The following MED12L variants were observed in gnomAD, a reference collection of about 807,000 sequenced individuals.
The protein encoded by MED12L is mediator complex subunit 12L, also known as mediator of RNA polymerase II transcription subunit 12-like protein.
Under a neutral mutation model 281.3 loss-of-function variants are expected in MED12L, and 60 were observed. The ratio of observed to expected loss-of-function variants is 0.21; its 90% confidence interval spans 0.17 to 0.26. The LOEUF (loss-of-function observed/expected upper bound fraction) is 0.26, where lower values mean the gene tolerates loss of function less well. MED12L is among the 10% of genes least tolerant of loss of function. The probability of loss-of-function intolerance (pLI) is 1.00; values close to 1 mark genes in which losing one functional copy is unlikely to be tolerated. For missense variants in MED12L, 2,146 were observed against 2,680.9 expected (o/e 0.80, Z 4.41); for synonymous variants, 974 against 987.2 (o/e 0.99, Z 0.25).
chr3:151,215,988 C>G (rs1295359908), intron 16 of MED12L, among the ~76,000 whole-genome samples: 1 of 152,188 alleles, frequency 6.6e-6, no homozygotes, highest in East Asian at 1.9e-4. Context: ...TTAGCTGTCA[C>G]TTTCCTTAGG....
At chr3:151,175,214 A>G (rs985314204) in intron 11 of MED12L, among the ~76,000 whole-genome samples, 16 of 152,162 alleles carry the variant, frequency 1.1e-4, no homozygotes, top group Non-Finnish European at 2.2e-4. Flanking sequence ...CTTGCAACCT[A>G]TATGACTTGC....
intron 16 of MED12L, among the ~76,000 whole-genome samples, chr3:151,289,239 C>G (rs1473334982): frequency 6.6e-6 from 1 of 152,094 alleles, no homozygotes; most frequent in Non-Finnish European, 1.5e-5. Context: ...GATGAGCTAT[C>G]CCAGAGTAAG....
intron 5 of MED12L, among the ~76,000 whole-genome samples, chr3:151,138,623 A>T (rs1251274635): frequency 2.0e-5 from 3 of 152,106 alleles, no homozygotes; most frequent in African/African-American, 4.8e-5. Flanking sequence ...AGTTTTGAGG[A>T]GTACTAGTCA....
intron 16 of MED12L, among the ~76,000 whole-genome samples, chr3:151,257,771 T>A (rs904123367): frequency 1.3e-5 from 2 of 152,142 alleles, no homozygotes; most frequent in Non-Finnish European, 2.9e-5. Context: ...TCACAACAAT[T>A]TTCCTCTGGC....
At chr3:151,091,946 G>C (rs73012982) in intron 2 of MED12L, among the ~76,000 whole-genome samples, 1 of 151,674 alleles carries the variant, frequency 6.6e-6, no homozygotes, top group Non-Finnish European at 1.5e-5. Context: ...GTGTAGAATC[G>C]TGCCTGTCAC....
At chr3:151,240,856 G>A (rs560774258) in intron 16 of MED12L, among the ~76,000 whole-genome samples, 2 of 152,346 alleles carry the variant, frequency 1.3e-5, no homozygotes, top group African/African-American at 4.8e-5. Flanking sequence ...TAGTGGATTT[G>A]AAGCCAGATG....
In MED12L at chr3:151,433,479, G is replaced by A. The variant is rs1719756783; in HGVS notation, c.*675G>A. The A allele has an allele frequency of 6.6e-6, 1 of 152,570 alleles. No individual in the cohort carries two copies. The highest frequency in any genetic ancestry group is 1.5e-5 in the Non-Finnish European group (1 of 68,038). 9.5% of individuals were successfully genotyped at this position (152,570 alleles called of 1,614,324 possible). A position where few individuals can be genotyped will look rare whatever the true frequency, so the allele number is the denominator to read the frequency against. On this transcript the variant is annotated 3_prime_UTR_variant, in exon 45 of 45. Transcript: ENST00000687756. ...AGAACCTAAACCAAGGTTTCTTTGAGAGCCGCCCTAAGATGTGCGGAAACC... is the reference window on the plus strand; with the variant it reads ...AGAACCTAAACCAAGGTTTCTTTGAAAGCCGCCCTAAGATGTGCGGAAACC...
intron 16 of MED12L, among the ~76,000 whole-genome samples, chr3:151,295,612 A>G (rs1275879066): frequency 1.1e-4 from 17 of 152,224 alleles, no homozygotes; most frequent in African/African-American, 4.1e-4. Flanking sequence ...TTATTGTTTC[A>G]GTGTAGTCTT....
chr3:151,264,300 G>A (rs1320099746), intron 16 of MED12L, among the ~76,000 whole-genome samples: 12 of 152,216 alleles, frequency 7.9e-5, no homozygotes, highest in South Asian at 2.1e-4. Context: ...ATCAAAAAGA[G>A]TTTGTGCTCA....
At chr3:151,102,422 T>C (rs1721499884) in intron 2 of MED12L, among the ~76,000 whole-genome samples, 2 of 152,148 alleles carry the variant, frequency 1.3e-5, no homozygotes, top group South Asian at 4.1e-4. Flanking sequence ...AATTATACGT[T>C]TAGCCCGTTT....
intron 31 of MED12L, 25 bp from the exon 32 acceptor site, chr3:151,380,088 G>A (rs1157501026): frequency 7.2e-7 from 1 of 1,389,434 alleles, no homozygotes; most frequent in Non-Finnish European, 1.0e-6. Context: ...AACTAGATCT[G>A]TTGTTATTAT....
chr3:151,188,425 G>A lies in MED12L; in HGVS notation c.1698G>A (p.Leu566=), dbSNP rs201457808. ...ISSSSLAGSS[L]PVFQNVLLRF... is the part of the protein sequence containing the mutation. The stretch of plus-strand genomic sequence containing the variant: ...CATCCTCTCTTGCTGGATCCAGTTT[G>A]CCTGTTTTCCAGAATGTGCTGTTAA... The change falls in exon 13 of 45, where the codon TTG becomes TTA. Residue 566 remains leucine (L), a synonymous_variant. Coordinates refer to ENST00000687756, the MANE Select transcript of MED12L (RefSeq NM_001393769.1). 6.2e-5 allele frequency: 100 copies of A among 1,612,956 alleles called. No individual in the cohort carries two copies. The highest frequency in any genetic ancestry group is 8.5e-6 in the Non-Finnish European group (10 of 1,179,216).
At chr3:151,262,548 A>G (rs904275562) in intron 16 of MED12L, among the ~76,000 whole-genome samples, 26 of 152,196 alleles carry the variant, frequency 1.7e-4, no homozygotes, top group Non-Finnish European at 3.1e-4. Flanking sequence ...TGTGAAGGAA[A>G]TTTGGTGAGG....
At chr3:151,358,550 G>T (rs1205151561) in intron 20 of MED12L, among the ~76,000 whole-genome samples, 1 of 151,804 alleles carries the variant, frequency 6.6e-6, no homozygotes, top group East Asian at 1.9e-4. Context: ...GAATTTAATG[G>T]GTTGTGACAA....
intron 2 of MED12L, among the ~76,000 whole-genome samples, chr3:151,106,306 C>CCT (rs1560051084): frequency 0.042 from 3,441 of 82,454 alleles, 489 homozygotes; most frequent in African/African-American, 0.2. Context: ...TTTCCTTTTC[C>CCT]TTCTCCCCTC....
rs1355586394 is a variant in MED12L, at chr3:151,350,194, A to G, written c.2386A>G (p.Thr796Ala). 3 of 1,613,578 alleles carry G rather than the reference A, an allele frequency of 1.9e-6. No homozygotes were observed. The highest frequency in any genetic ancestry group is 2.5e-6 in the Non-Finnish European group (3 of 1,179,742). The change falls in exon 17 of 45, where the codon ACA becomes GCA. Residue 796 changes from threonine (T) to alanine (A), a missense_variant. Around this residue, in one of 9 missense-constraint regions of MED12L, gnomAD observed 404 missense variants for 603.5 expected, o/e 0.67. Transcript: ENST00000687756. ...GAAAATTCTAAATAAGAAGAGCACC[A>G]CAGAGACAGGGGGTAAAGAACCTTA... is the stretch of plus-strand genomic sequence containing the variant. The part of the protein sequence containing the change: ...ILKILNKKST[T>A]ETGVGDEGQK...
At chr3:151,089,913 A>G (rs887418230) in intron 2 of MED12L, among the ~76,000 whole-genome samples, 5 of 152,156 alleles carry the variant, frequency 3.3e-5, no homozygotes, top group African/African-American at 1.2e-4. Flanking sequence ...GCGTCTCTAC[A>G]TCCATGCGCA....
At chr3:151,154,716 G>GCTAAA (rs1719038857) in intron 5 of MED12L, among the ~76,000 whole-genome samples, 1 of 152,186 alleles carries the variant, frequency 6.6e-6, no homozygotes, top group Non-Finnish European at 1.5e-5. Flanking sequence ...TTATAGCTAA[G>GCTAAA]CTAAACTTGT....
At chr3:151,266,805 G>A (rs1049370990) in intron 16 of MED12L, among the ~76,000 whole-genome samples, 17 of 152,192 alleles carry the variant, frequency 1.1e-4, no homozygotes, top group Admixed American at 7.9e-4. Flanking sequence ...GAGCAAAAAA[G>A]TGCTGTAGAT....
Sources: allele counts gnomAD v4.1 joint callset (sites outside exome capture counted in the v4.1 genomes callset), GRCh38; gene constraint gnomAD v4.1.1; regional missense constraint gnomAD v4.1.1; transcripts MANE v1.5; gene names NCBI Gene and HGNC (gene_info 2026-07-23, HGNC 2026-07-21).